The following UBE2F variants were observed in gnomAD, a reference collection of about 807,000 sequenced individuals.
The protein encoded by UBE2F is ubiquitin conjugating enzyme E2 F (putative).
In UBE2F, 5 loss-of-function variants were observed where a neutral mutation model predicts 29.6. The observed-to-expected ratio is 0.17, with a 90% CI of 0.09 to 0.36. The LOEUF (loss-of-function observed/expected upper bound fraction) is 0.36, where lower values mean the gene tolerates loss of function less well. Among genes scored for constraint, UBE2F ranks in the 10% least tolerant of loss-of-function variants. The pLI is 1.00. For synonymous variants in UBE2F, 66 were observed against 81.8 expected (o/e 0.81, Z 1.04); for missense variants, 141 against 228.5 (o/e 0.62, Z 2.47).
intron 5 of UBE2F, among the ~76,000 whole-genome samples, chr2:238,017,019 G>T (rs2064170814): frequency 1.3e-5 from 2 of 152,194 alleles, no homozygotes; most frequent in African/African-American, 4.8e-5. Context: ...ACAGTGACTT[G>T]TAGTTTAAAC....
intron 4 of UBE2F, among the ~76,000 whole-genome samples, chr2:237,995,036 A>G (rs2063662762): frequency 1.3e-5 from 2 of 152,270 alleles, no homozygotes; most frequent in South Asian, 4.1e-4. Flanking sequence ...TATAAATATA[A>G]CTAAAGTTAA....
chr2:238,016,473 G>T, intron 4 of UBE2F, 93 bp from the exon 5 acceptor site: 2 of 1,081,840 alleles, frequency 1.8e-6, no homozygotes, highest in South Asian at 1.4e-5. Context: ...CTGATTCTCT[G>T]TATTTGCCAT....
intron 4 of UBE2F, among the ~76,000 whole-genome samples, chr2:238,008,517 T>C (rs73999353): frequency 0.046 from 7,041 of 152,312 alleles, 571 homozygotes; most frequent in African/African-American, 0.16. Flanking sequence ...TTGTGTTGTA[T>C]CTCCTCTTTA....
intron 3 of UBE2F, among the ~76,000 whole-genome samples, chr2:237,991,664 G>A (rs1261756522): frequency 3.2e-5 from 4 of 126,950 alleles, no homozygotes; most frequent in Admixed American, 9.4e-5. Context: ...ATGCAGTGGC[G>A]CGATCTCGGC....
At chr2:238,003,879 A>G (rs2106366269) in intron 4 of UBE2F, among the ~76,000 whole-genome samples, 1 of 152,202 alleles carries the variant, frequency 6.6e-6, no homozygotes, top group South Asian at 2.1e-4. Flanking sequence ...AGTTTCCATC[A>G]CCTCAAAAAG....
chr2:237,995,735 A>G lies in UBE2F; in HGVS notation c.214+926A>G, dbSNP rs147330913. Among the ~76,000 whole-genome samples, 535 of 152,306 alleles carry G rather than the reference A, an allele frequency of 3.5e-3. 4 individuals are homozygous for G. The highest frequency in any genetic ancestry group is 5.8e-3 in the Admixed American group (88 of 15,280). ...GTGGAAGATGTTTGATAATAATAGC[A>G]CAAGAAATCCTGGTTTCAAAATATC... On this transcript the variant is annotated intron_variant, in intron 4 of 9. Transcript: ENST00000272930.
chr2:237,968,890 G>T (rs1157648252), intron 1 of UBE2F: 3 of 977,550 alleles, frequency 3.1e-6, no homozygotes, highest in Non-Finnish European at 3.6e-6. Context: ...AGAAGGAAAA[G>T]AATTCTGAAG....
intron 4 of UBE2F, among the ~76,000 whole-genome samples, chr2:238,012,660 G>A (rs2064064961): frequency 6.6e-6 from 1 of 152,104 alleles, no homozygotes; most frequent in South Asian, 2.1e-4. Flanking sequence ...CTTTCCCTCA[G>A]GCAAAAGTCT....
chr2:238,031,942 G>A (rs1281422985), intron 7 of UBE2F, among the ~76,000 whole-genome samples: 1 of 152,264 alleles, frequency 6.6e-6, no homozygotes, highest in Non-Finnish European at 1.5e-5. Context: ...TGGCCTGCGG[G>A]CCCTGTCGTG....
chr2:238,016,758 A>T (rs1328036600), intron 5 of UBE2F, 125 bp downstream of exon 5: 2 of 719,822 alleles, frequency 2.8e-6, no homozygotes, highest in Non-Finnish European at 4.6e-6. Flanking sequence ...CTGAGTACTC[A>T]CTTCAGTATT....
chr2:237,981,360 A>G (rs906707133), intron 2 of UBE2F, among the ~76,000 whole-genome samples: 6 of 151,826 alleles, frequency 4.0e-5, no homozygotes, highest in African/African-American at 1.5e-4. Flanking sequence ...TGAGATGAGC[A>G]CTGTGGGAGT....
intron 1 of UBE2F, 61 bp from the exon 2 acceptor site, chr2:237,973,031 C>G: frequency 6.6e-7 from 1 of 1,505,884 alleles, no homozygotes; most frequent in African/African-American, 1.4e-5. Context: ...ACATTTTTCT[C>G]AGTGTCTAAT....
chr2:237,987,332 C>A (rs963062797), intron 2 of UBE2F, among the ~76,000 whole-genome samples: 12 of 152,054 alleles, frequency 7.9e-5, no homozygotes, highest in Non-Finnish European at 2.9e-5. Context: ...AATTTTATTT[C>A]TTTCTTTCTA....
At chr2:238,023,859 A>G (rs1219762438) in intron 5 of UBE2F, among the ~76,000 whole-genome samples, 1 of 152,178 alleles carries the variant, frequency 6.6e-6, no homozygotes, top group Non-Finnish European at 1.5e-5. Flanking sequence ...GCAGTGTATC[A>G]GAAGCTAGGG....
In UBE2F at chr2:237,967,925, C is replaced by T. The variant is rs1490344446; in HGVS notation, c.-17+793C>T. Among the ~76,000 whole-genome samples, 1 of 152,080 alleles carries T rather than the reference C, an allele frequency of 6.6e-6. No individual in the cohort carries two copies. Among genetic ancestry groups the T allele is most frequent in the African/African-American group, 2.4e-5 (1 of 41,396 alleles). ...GGGTCCCCCCACTCTGCATTCCCGA[C>T]CGCCTGGAAGTGGGGGCAGGATGGG... On this transcript the variant is annotated intron_variant, in intron 1 of 9. Coordinates refer to ENST00000272930, the MANE Select transcript of UBE2F (RefSeq NM_080678.3). This position sits in a 1 kb window ranked among gnomAD's most constrained non-coding sequence, Gnocchi z 6.3.
intron 4 of UBE2F, among the ~76,000 whole-genome samples, chr2:237,999,928 G>A (rs1326435710): frequency 2.0e-5 from 3 of 150,932 alleles, no homozygotes; most frequent in Non-Finnish European, 4.4e-5. Flanking sequence ...AGGTTCGAGC[G>A]ATTCTCCTGC....
intron 3 of UBE2F, among the ~76,000 whole-genome samples, chr2:237,989,672 A>G (rs2063543724): frequency 1.3e-5 from 2 of 152,112 alleles, no homozygotes; most frequent in South Asian, 2.1e-4. Context: ...TTTTCAGCAT[A>G]TAGAATTTAT....
intron 8 of UBE2F, chr2:238,032,476 A>G (rs1286491570): frequency 3.0e-5 from 15 of 501,158 alleles, no homozygotes; most frequent in Non-Finnish European, 5.0e-5. Context: ...TTAGTTGGGC[A>G]TAGTGGCACA....
At chr2:238,010,686 C>A (rs1305255114) in intron 4 of UBE2F, among the ~76,000 whole-genome samples, 1 of 152,116 alleles carries the variant, frequency 6.6e-6, no homozygotes, top group African/African-American at 2.4e-5. Context: ...ATAGTCAGTT[C>A]CCTGGTGTCC....
Sources: allele counts gnomAD v4.1 joint callset (sites outside exome capture counted in the v4.1 genomes callset), GRCh38; gene constraint gnomAD v4.1.1; non-coding constraint Gnocchi (gnomAD v3.1); transcripts MANE v1.5; gene names NCBI Gene and HGNC (gene_info 2026-07-23, HGNC 2026-07-21).